Variants in TLL1 observed in about 807,000 individuals in gnomAD.
The protein encoded by TLL1 is tolloid like 1.
Under a neutral mutation model 128.2 loss-of-function variants are expected in TLL1, and 49 were observed. The ratio of observed to expected loss-of-function variants is 0.38; its 90% CI spans 0.30 to 0.48. TLL1 has a LOEUF of 0.48. Among genes scored for constraint, TLL1 ranks in the 20% least tolerant of loss-of-function variants. The probability of loss-of-function intolerance (pLI) is 0.96; values close to 1 mark genes in which losing one functional copy is unlikely to be tolerated. For missense variants in TLL1, 1,123 were observed against 1,242.0 expected, an observed-to-expected ratio of 0.90 and a Z score of 1.44; for synonymous variants, 454 against 418.8, an observed-to-expected ratio of 1.08 and a Z score of -1.03.
At chr4:166,050,311 G>A (rs934390874) in intron 12 of TLL1, among the ~76,000 whole-genome samples, 17 of 152,014 alleles carry the variant, frequency 1.1e-4, no homozygotes, top group African/African-American at 4.1e-4. Flanking sequence ...TCCATTGTAT[G>A]TGTATACCAC....
intron 12 of TLL1, 138 bp from the exon 13 acceptor site, chr4:166,054,938 A>C (rs1579681352): frequency 1.5e-6 from 1 of 660,634 alleles, no homozygotes; most frequent in Admixed American, 3.1e-5. Flanking sequence ...TTCATGAGAA[A>C]CATTCAAGTA....
At chr4:165,968,512 G>T (rs746601580) in intron 1 of TLL1, among the ~76,000 whole-genome samples, 10 of 152,158 alleles carry the variant, frequency 6.6e-5, no homozygotes, top group Admixed American at 2.6e-4. Context: ...ATAGAGTAAG[G>T]TTATCTGTTT....
chr4:166,023,486 C>T (rs547543671), intron 8 of TLL1, among the ~76,000 whole-genome samples: 1 of 152,250 alleles, frequency 6.6e-6, no homozygotes, highest in East Asian at 1.9e-4. Context: ...CTTAGTAGTG[C>T]CCACTTTTTT....
chr4:165,984,551 C>A (rs1372858201), intron 1 of TLL1, among the ~76,000 whole-genome samples: 1 of 151,910 alleles, frequency 6.6e-6, no homozygotes, highest in Non-Finnish European at 1.5e-5. Context: ...CTTTTCAGAC[C>A]TTCACATGAC....
chr4:165,967,084 G>A (rs886187094), intron 1 of TLL1, among the ~76,000 whole-genome samples: 1 of 152,050 alleles, frequency 6.6e-6, no homozygotes, highest in East Asian at 1.9e-4. Flanking sequence ...TTTTTCTCAG[G>A]GCTGTTCCTT....
chr4:166,049,779 T>A (rs1350215801), intron 12 of TLL1, among the ~76,000 whole-genome samples: 1 of 151,530 alleles, frequency 6.6e-6, no homozygotes, highest in East Asian at 1.9e-4. Context: ...TATACTATTA[T>A]TTCCTAGACT....
intron 1 of TLL1, among the ~76,000 whole-genome samples, chr4:165,982,121 T>G (rs972543798): frequency 2.6e-5 from 4 of 151,920 alleles, no homozygotes; most frequent in Non-Finnish European, 5.9e-5. Context: ...GAATGGGAAG[T>G]TTTTTCAAAT....
chr4:166,059,421 A>G lies in TLL1; in HGVS notation c.1847-607A>G, dbSNP rs75975685. 1.6e-4 allele frequency among the ~76,000 whole-genome samples: 24 copies of G among 152,268 alleles called. 1 individual carries two copies. The East Asian group carries it at 4.4e-3, about 28-fold the overall frequency. On this transcript the variant is annotated intron_variant, in intron 14 of 20. Coordinates refer to ENST00000061240, the MANE Select transcript of TLL1 (RefSeq NM_012464.5). ...ACCTTTTAAAAATAGATCATCACAG[A>G]TCTATTTAAAAAGAAAATCAGTATT...
chr4:165,892,937 T>C (rs185952645), intron 1 of TLL1, among the ~76,000 whole-genome samples: 1 of 152,320 alleles, frequency 6.6e-6, no homozygotes, highest in East Asian at 1.9e-4. Flanking sequence ...ATGGTAGCTA[T>C]TTCCCTCAAT....
rs570554473 is a variant in TLL1, at chr4:165,944,948, A to G, written c.170-44433A>G. ...TCAGAAAAGAGGTTTTAATTCAACAAATGAACTTGGTAATCTTTGATATAT... is the reference window on the plus strand; with the variant it reads ...TCAGAAAAGAGGTTTTAATTCAACAGATGAACTTGGTAATCTTTGATATAT... On this transcript the variant is annotated intron_variant, in intron 1 of 20. Transcript: ENST00000061240. 2.0e-5 allele frequency among the ~76,000 whole-genome samples: 3 copies of G among 152,040 alleles called. No homozygotes were observed. In the East Asian group the frequency reaches 5.8e-4, roughly 29 times the overall value.
chr4:166,073,060 T>C (rs1244634475), intron 16 of TLL1, among the ~76,000 whole-genome samples: 1 of 152,144 alleles, frequency 6.6e-6, no homozygotes, highest in African/African-American at 2.4e-5. Context: ...AAAGGAAATA[T>C]GTGTCTATTT....
chr4:165,918,489 T>A (rs1561027917), intron 1 of TLL1, among the ~76,000 whole-genome samples: 1 of 152,052 alleles, frequency 6.6e-6, no homozygotes, highest in African/African-American at 2.4e-5. Flanking sequence ...CTGTGAGGGG[T>A]CCTGAATATT....
At chr4:165,909,433 T>C (rs1312925330) in intron 1 of TLL1, among the ~76,000 whole-genome samples, 3 of 152,142 alleles carry the variant, frequency 2.0e-5, no homozygotes, top group Non-Finnish European at 4.4e-5. Context: ...GTGATGTTTG[T>C]AGTGGTAAGA....
chr4:165,880,260 T>A (rs1430094872), intron 1 of TLL1, among the ~76,000 whole-genome samples: 2 of 152,184 alleles, frequency 1.3e-5, no homozygotes, highest in African/African-American at 4.8e-5. Context: ...GTCAGCTCCT[T>A]ATAGAATGTG....
intron 1 of TLL1, among the ~76,000 whole-genome samples, chr4:165,961,187 G>A (rs1735082626): frequency 6.6e-6 from 1 of 151,946 alleles, no homozygotes; most frequent in Admixed American, 6.6e-5. Context: ...TGTTCAAGCT[G>A]AGAACTAAGT....
Position 166,100,856 on chromosome 4 carries a change from A to G in TLL1, c.3022A>G (p.Thr1008Ala). 2 of 1,612,730 alleles carry G rather than the reference A, an allele frequency of 1.2e-6. No individual in the cohort carries two copies. Among genetic ancestry groups the G allele is most frequent in the South Asian group, 1.1e-5 (1 of 91,072 alleles). Residue 1008 changes from threonine (T) to alanine (A), a missense_variant, in exon 21 of 21, where the codon ACC becomes GCC. Thr to Ala is a moderately conservative substitution (Grantham distance 58). This residue lies in a region of TLL1 where 634 missense variants were observed against 672.4 expected (regional missense o/e 0.94). Transcript: ENST00000061240. The stretch of plus-strand genomic sequence containing the variant: ...ATACAAAAGCATAAGATATCCAGAT[A>G]CCACACATACCAAAAAATAACACCA... ...IRYKSIRYPD[T>A]THTKK
At chr4:166,045,817 C>A (rs1739440051) in intron 12 of TLL1, among the ~76,000 whole-genome samples, 1 of 152,160 alleles carries the variant, frequency 6.6e-6, no homozygotes, top group Non-Finnish European at 1.5e-5. Context: ...TGCCTCAGAT[C>A]TTTGCTTTTA....
At chr4:165,933,901 C>T (rs894543088) in intron 1 of TLL1, among the ~76,000 whole-genome samples, 4 of 152,170 alleles carry the variant, frequency 2.6e-5, no homozygotes, top group Admixed American at 6.5e-5. Context: ...TGCTGCTCCT[C>T]TTATCCCTCA....
At position 165,974,342 on chromosome 4, in the gene TLL1, G is replaced by A. The variant is rs1049156142; in HGVS notation, c.170-15039G>A. 9.0e-5 allele frequency among the ~76,000 whole-genome samples: 13 copies of A among 144,694 alleles called. 1 individual carries two copies. Among genetic ancestry groups the A allele is most frequent in the African/African-American group, 3.1e-4 (11 of 35,470 alleles). The allele number at this position is 144,694 out of a possible 152,430, so 94.9% of individuals were successfully genotyped here. On this transcript the variant is annotated intron_variant, in intron 1 of 20. Coordinates refer to ENST00000061240, the MANE Select transcript of TLL1 (RefSeq NM_012464.5). ...TTTTTCATAGAGACGGGGTTTCACCGTTTTAGCCGGGATGGCCTCGATCTC... is the reference window on the plus strand; with the variant it reads ...TTTTTCATAGAGACGGGGTTTCACCATTTTAGCCGGGATGGCCTCGATCTC...
Sources: allele counts gnomAD v4.1 joint callset (sites outside exome capture counted in the v4.1 genomes callset), GRCh38; gene constraint gnomAD v4.1.1; regional missense constraint gnomAD v4.1.1; transcripts MANE v1.5; gene names NCBI Gene and HGNC (gene_info 2026-07-23, HGNC 2026-07-21).